Variants in MIS18BP1 observed in about 807,000 individuals in gnomAD.
MIS18BP1 encodes mis18-binding protein 1.
MIS18BP1 carries 72 observed loss-of-function variants against 116.1 expected under a neutral mutation model. That is an observed-to-expected ratio of 0.62 (90% confidence interval 0.51 to 0.75). The LOEUF is 0.75. Ranked by LOEUF, MIS18BP1 falls within the 30% of genes least tolerant of loss-of-function variation. MIS18BP1 has a pLI of 0.00. For missense variants in MIS18BP1, 1,363 were observed against 1,303.2 expected (o/e 1.05, Z -0.71); for synonymous variants, 386 against 427.0 (o/e 0.90, Z 1.18).
intron 13 of MIS18BP1, among the ~76,000 whole-genome samples, chr14:45,215,375 C>T (rs952823937): frequency 6.6e-6 from 1 of 152,190 alleles, no homozygotes; most frequent in Non-Finnish European, 1.5e-5. Context: ...AATTTTTATA[C>T]TCAATAGTCC....
chr14:45,236,814 C>CT (rs1891440961), intron 5 of MIS18BP1, among the ~76,000 whole-genome samples: 2 of 152,162 alleles, frequency 1.3e-5, no homozygotes, highest in East Asian at 3.9e-4. Context: ...AATGAAGAAA[C>CT]TGAGACTGAC....
intron 2 of MIS18BP1, among the ~76,000 whole-genome samples, chr14:45,243,223 A>G (rs1024537383): frequency 2.0e-5 from 3 of 152,218 alleles, no homozygotes; most frequent in African/African-American, 7.2e-5. Context: ...AGATTACAAT[A>G]TAAAGTTTCA....
chr14:45,233,069 C>G (rs1469352579), intron 6 of MIS18BP1, among the ~76,000 whole-genome samples: 1 of 152,102 alleles, frequency 6.6e-6, no homozygotes, highest in Admixed American at 6.5e-5. Flanking sequence ...GATGGCTATG[C>G]AGGGACGGTG....
intron 8 of MIS18BP1, among the ~76,000 whole-genome samples, 174 bp from the exon 9 acceptor site, chr14:45,227,988 G>A (rs1340858585): frequency 6.6e-6 from 1 of 152,078 alleles, no homozygotes; most frequent in Non-Finnish European, 1.5e-5. Context: ...ACTAGCCTAG[G>A]CAAAATAGTG....
chr14:45,220,775 C>CT (rs1890950895), intron 11 of MIS18BP1, among the ~76,000 whole-genome samples: 2 of 152,142 alleles, frequency 1.3e-5, no homozygotes, highest in South Asian at 4.1e-4. Flanking sequence ...CATAGCAACC[C>CT]TTTAAAGTTG....
intron 13 of MIS18BP1, among the ~76,000 whole-genome samples, chr14:45,211,592 A>G (rs966440369): frequency 6.6e-6 from 1 of 152,134 alleles, no homozygotes; most frequent in African/African-American, 2.4e-5. Flanking sequence ...ACTCTATCAC[A>G]CCTTGCTCTT....
intron 6 of MIS18BP1, among the ~76,000 whole-genome samples, chr14:45,234,677 C>A (rs1891375386): frequency 1.3e-5 from 2 of 152,054 alleles, no homozygotes; most frequent in African/African-American, 4.8e-5. Context: ...TGGTAGGATA[C>A]CAAGCAGCAC....
Position 45,204,388 on chromosome 14 carries a change from A to G in MIS18BP1, c.3295+11T>C. The G allele has an allele frequency of 6.3e-7, 1 of 1,599,530 alleles. No individual in the cohort carries two copies. Among genetic ancestry groups the G allele is most frequent in the Non-Finnish European group, 8.5e-7 (1 of 1,174,564 alleles). Reference sequence around the variant, plus strand: ...GAACTGAGCCACAAAAGAAAGCTGTAAGTGTATTACCTGTGTTAAATGGGG... The same window carrying G: ...GAACTGAGCCACAAAAGAAAGCTGTGAGTGTATTACCTGTGTTAAATGGGG... On this transcript the variant is annotated intron_variant, in intron 16 of 16. Coordinates refer to ENST00000310806, the MANE Select transcript of MIS18BP1 (RefSeq NM_018353.5).
At position 45,218,272 on chromosome 14, in the gene MIS18BP1, C is replaced by T. The variant is rs755926905; in HGVS notation, c.2842+10G>A. 25 of 1,612,422 alleles carry T rather than the reference C, an allele frequency of 1.6e-5. No individual in the cohort carries two copies. The South Asian group carries it at 1.7e-4, about 11-fold the overall frequency. ...GTACTAGGAAAAAAACTATTTACTA[C>T]GAAGGTTACCATTTTGGCCTTTGGA... On this transcript the variant is annotated intron_variant, in intron 12 of 16. Transcript: ENST00000310806.
chr14:45,248,889 TATA>T (rs1891793697), intron 1 of MIS18BP1, among the ~76,000 whole-genome samples: 2 of 152,238 alleles, frequency 1.3e-5, no homozygotes, highest in East Asian at 1.9e-4. Context: ...TATTAGAAGT[TATA>T]ATATTAGCCG....
chr14:45,204,890 CTAAT>C (rs1890470706), intron 15 of MIS18BP1, among the ~76,000 whole-genome samples: 1 of 151,906 alleles, frequency 6.6e-6, no homozygotes, highest in Non-Finnish European at 1.5e-5. Flanking sequence ...ATACAGAATA[CTAAT>C]TACTGTATTA....
chr14:45,233,570 G>A (rs1891346089), intron 6 of MIS18BP1, among the ~76,000 whole-genome samples: 1 of 152,146 alleles, frequency 6.6e-6, no homozygotes. Flanking sequence ...CCACTGTAAT[G>A]ATACAAACAA....
chr14:45,239,628 G>A (rs2139228887), intron 4 of MIS18BP1, among the ~76,000 whole-genome samples: 1 of 152,290 alleles, frequency 6.6e-6, no homozygotes, highest in African/African-American at 2.4e-5. Flanking sequence ...AGTTACTGGG[G>A]ATTCTGAACA....
Position 45,242,891 on chromosome 14 carries a change from TAAAG to T in MIS18BP1, c.545-21_545-18del. ...GGACTGAGGCTAAGGTTTTATTTTT[TAAAG>T]AAAGAAGAAGTTGAATTGTATTAGT... On this transcript the variant is annotated intron_variant, in intron 2 of 16. Transcript: ENST00000310806. The T allele has an allele frequency of 6.6e-7, 1 of 1,520,228 alleles. No homozygotes were observed. Among genetic ancestry groups the T allele is most frequent in the Non-Finnish European group, 8.9e-7 (1 of 1,120,428 alleles). 94.2% of individuals were successfully genotyped at this position (1,520,228 alleles called of 1,614,324 possible).
chr14:45,237,791 A>G, intron 4 of MIS18BP1, 70 bp from the exon 5 acceptor site: 1 of 1,509,790 alleles, frequency 6.6e-7, no homozygotes, highest in East Asian at 2.5e-5. Flanking sequence ...AAATTAACTT[A>G]CATTAAAAGA....
chr14:45,232,944 T>G lies in MIS18BP1; in HGVS notation c.1349-124A>C, dbSNP rs547124118. 1.0e-5 allele frequency: 6 copies of G among 575,270 alleles called. No homozygotes were observed. In the South Asian group the frequency reaches 1.2e-4, roughly 12 times the overall value. 35.6% of individuals were successfully genotyped at this position (575,270 alleles called of 1,614,324 possible). A position where few individuals can be genotyped will look rare whatever the true frequency, so the allele number is the denominator to read the frequency against. ...GCTTAATATGTGCCAGGTACTATTA[T>G]AGATATTCAGAATTCGGCAGTAAAC... On this transcript the variant is annotated intron_variant, in intron 6 of 16. Transcript: ENST00000310806.
At chr14:45,243,007 A>G in intron 2 of MIS18BP1, 133 bp from the exon 3 acceptor site, 1 of 550,036 alleles carries the variant, frequency 1.8e-6, no homozygotes, top group East Asian at 3.0e-5. Flanking sequence ...CTTTTGCAAT[A>G]TATGACAGTT....
chr14:45,227,939 G>A, intron 8 of MIS18BP1, 125 bp from the exon 9 acceptor site: 1 of 881,404 alleles, frequency 1.1e-6, no homozygotes, highest in Non-Finnish European at 1.7e-6. Context: ...CACTCTGGGA[G>A]GCCGAGGGAG....
intron 13 of MIS18BP1, among the ~76,000 whole-genome samples, chr14:45,212,494 A>G (rs1471920879): frequency 6.6e-6 from 1 of 152,142 alleles, no homozygotes; most frequent in Non-Finnish European, 1.5e-5. Flanking sequence ...CCATCCTGTG[A>G]TGGTCAGGTG....
Sources: gnomAD v4.1 joint callset for allele counts (sites outside exome capture counted in the v4.1 genomes callset) on GRCh38, gnomAD v4.1.1 for gene constraint, MANE v1.5 for transcripts, NCBI Gene and HGNC (gene_info 2026-07-23, HGNC 2026-07-21) for gene names.